RSRC1: variants seen among roughly 807,000 people sequenced by gnomAD.
RSRC1 encodes arginine and serine rich coiled-coil 1, also known as serine/Arginine-related protein 53.
A neutral mutation model predicts 49.1 loss-of-function variants in RSRC1; 39 were observed. That is an observed-to-expected ratio of 0.79 (90% CI 0.61 to 1.04). RSRC1 has a LOEUF of 1.04. Among genes scored for constraint, RSRC1 ranks in the 50% least tolerant of loss-of-function variants. The pLI, the probability that RSRC1 is intolerant of heterozygous loss-of-function variation, is 0.00. For missense variants in RSRC1, 388 were observed against 402.4 expected (o/e 0.96, Z 0.31); for synonymous variants, 143 against 130.8 (o/e 1.09, Z -0.63).
chr3:158,517,010 G>A (rs1012783573), intron 7 of RSRC1, among the ~76,000 whole-genome samples: 5 of 152,196 alleles, frequency 3.3e-5, no homozygotes, highest in African/African-American at 1.2e-4. Flanking sequence ...ACTCCCTAGT[G>A]AGATGAACCC....
At chr3:158,543,610 C>A in intron 9 of RSRC1, 123 bp downstream of exon 9, 1 of 1,027,592 alleles carries the variant, frequency 9.7e-7, no homozygotes, top group Non-Finnish European at 1.4e-6. Context: ...TATTCCCTTG[C>A]TAAAAATAGG....
chr3:158,196,476 A>C (rs1319370211), intron 3 of RSRC1, among the ~76,000 whole-genome samples: 1 of 152,076 alleles, frequency 6.6e-6, no homozygotes, highest in African/African-American at 2.4e-5. Context: ...TCTTTTCCTA[A>C]TTGAATACCC....
chr3:158,178,354 G>C (rs1163355241), intron 3 of RSRC1, among the ~76,000 whole-genome samples: 1 of 152,058 alleles, frequency 6.6e-6, no homozygotes, highest in Non-Finnish European at 1.5e-5. Flanking sequence ...TGGCCAGACT[G>C]GTCTCAATCT....
chr3:158,266,252 C>G (rs908032749), intron 4 of RSRC1, among the ~76,000 whole-genome samples: 1 of 151,954 alleles, frequency 6.6e-6, no homozygotes, highest in Non-Finnish European at 1.5e-5. Flanking sequence ...ACTCTCTACT[C>G]ATTTTAGGTT....
intron 5 of RSRC1, among the ~76,000 whole-genome samples, chr3:158,311,302 G>A (rs1471745883): frequency 1.3e-5 from 2 of 151,800 alleles, no homozygotes; most frequent in African/African-American, 2.4e-5. Context: ...TATATCGGTT[G>A]TAAAAAGTAT....
At chr3:158,114,465 G>A (rs1714650222) in intron 1 of RSRC1, among the ~76,000 whole-genome samples, 1 of 152,134 alleles carries the variant, frequency 6.6e-6, no homozygotes, top group South Asian at 2.1e-4. Flanking sequence ...GCTAAGGATT[G>A]TCTTGGCTAT....
intron 5 of RSRC1, chr3:158,336,413 T>A (rs1307442476): frequency 6.5e-6 from 1 of 153,184 alleles, no homozygotes; most frequent in Non-Finnish European, 1.5e-5. Context: ...CTTTGTGGGA[T>A]TGCCAGGAAA....
chr3:158,352,253 C>T (rs773161763), intron 5 of RSRC1, among the ~76,000 whole-genome samples: 1 of 151,956 alleles, frequency 6.6e-6, no homozygotes, highest in Non-Finnish European at 1.5e-5. Flanking sequence ...GCCTAGGCAA[C>T]AGAGTGAGAC....
chr3:158,255,381 G>A (rs1161843147), intron 4 of RSRC1, among the ~76,000 whole-genome samples: 1 of 152,164 alleles, frequency 6.6e-6, no homozygotes, highest in Non-Finnish European at 1.5e-5. Flanking sequence ...TTGTAGATGT[G>A]TTGTGTTATT....
At chr3:158,388,700 C>G (rs1348035820) in intron 6 of RSRC1, among the ~76,000 whole-genome samples, 2 of 151,734 alleles carry the variant, frequency 1.3e-5, no homozygotes, top group Admixed American at 6.6e-5. Flanking sequence ...AACTCCGCCT[C>G]CCGGGTTGAC....
chr3:158,301,890 T>A (rs1727566467), intron 5 of RSRC1, among the ~76,000 whole-genome samples: 1 of 152,114 alleles, frequency 6.6e-6, no homozygotes, highest in Non-Finnish European at 1.5e-5. Flanking sequence ...GTCACTCTCT[T>A]GCTTTCTAGC....
intron 3 of RSRC1, among the ~76,000 whole-genome samples, chr3:158,196,645 G>A (rs1720638317): frequency 6.6e-6 from 1 of 152,116 alleles, no homozygotes; most frequent in African/African-American, 2.4e-5. Flanking sequence ...GTTTGTGATA[G>A]ATAGCTCTTA....
At chr3:158,423,583 C>T (rs896284456) in intron 6 of RSRC1, among the ~76,000 whole-genome samples, 24 of 152,018 alleles carry the variant, frequency 1.6e-4, no homozygotes, top group Non-Finnish European at 2.6e-4. Flanking sequence ...TCCAAATGAA[C>T]TTTAAAGTAG....
intron 7 of RSRC1, among the ~76,000 whole-genome samples, chr3:158,479,973 A>G (rs905086708): frequency 1.3e-4 from 20 of 152,002 alleles, no homozygotes; most frequent in African/African-American, 4.8e-4. Flanking sequence ...TTCCTTAGCA[A>G]AAGTCAAGAG....
intron 7 of RSRC1, among the ~76,000 whole-genome samples, chr3:158,498,474 T>A (rs917179036): frequency 1.3e-5 from 2 of 152,160 alleles, no homozygotes; most frequent in Non-Finnish European, 2.9e-5. Flanking sequence ...TATTAGTCCT[T>A]TGTCAGATGT....
At chr3:158,221,678 G>A (rs1722226971) in intron 4 of RSRC1, among the ~76,000 whole-genome samples, 1 of 151,416 alleles carries the variant, frequency 6.6e-6, no homozygotes, top group Non-Finnish European at 1.5e-5. Context: ...CCAGGACAAA[G>A]ATTTCATAAA....
chr3:158,509,473 A>G (rs1195590137), intron 7 of RSRC1, among the ~76,000 whole-genome samples: 1 of 152,076 alleles, frequency 6.6e-6, no homozygotes, highest in Non-Finnish European at 1.5e-5. Context: ...CTTTCACCAC[A>G]TCTGTATATA....
intron 4 of RSRC1, among the ~76,000 whole-genome samples, chr3:158,234,301 G>A (rs1022773523): frequency 1.3e-5 from 2 of 152,022 alleles, no homozygotes; most frequent in African/African-American, 2.4e-5. Flanking sequence ...GAGTTTAATC[G>A]GGAGATTTAA....
chr3:158,502,610 T>C (rs1401512877), intron 7 of RSRC1, among the ~76,000 whole-genome samples: 1 of 152,188 alleles, frequency 6.6e-6, no homozygotes, highest in Non-Finnish European at 1.5e-5. Context: ...TTAAAGACCT[T>C]GTCTTTGAGC....
Sources: allele counts gnomAD v4.1 joint callset (sites outside exome capture counted in the v4.1 genomes callset), GRCh38; gene constraint gnomAD v4.1.1; transcripts MANE v1.5; gene names NCBI Gene and HGNC (gene_info 2026-07-23, HGNC 2026-07-21).